The following NUP37 variants were observed in gnomAD, a reference collection of about 807,000 sequenced individuals.
NUP37 encodes nucleoporin Nup37.
Under a neutral mutation model 45.4 loss-of-function variants are expected in NUP37, and 33 were observed. That is an observed-to-expected ratio of 0.73 (90% CI 0.55 to 0.97). NUP37 has a LOEUF of 0.97. NUP37 is among the 50% of genes least tolerant of loss of function. NUP37 has a pLI of 0.00. For synonymous variants in NUP37, 127 were observed against 130.7 expected, an observed-to-expected ratio of 0.97 and a Z score of 0.19; for missense variants, 365 against 389.7, an observed-to-expected ratio of 0.94 and a Z score of 0.53.
chr12:102,114,740 C>T (rs1445250753), intron 2 of NUP37, among the ~76,000 whole-genome samples: 1 of 152,038 alleles, frequency 6.6e-6, no homozygotes, highest in Non-Finnish European at 1.5e-5. Context: ...ATGCTTGAAT[C>T]CCTAGGAGAG....
At chr12:102,112,847 ATGTG>A (rs1255194649) in intron 2 of NUP37, among the ~76,000 whole-genome samples, 2 of 152,222 alleles carry the variant, frequency 1.3e-5, no homozygotes, top group East Asian at 3.8e-4. Context: ...GTGGCATTAT[ATGTG>A]TGTAAGATGC....
At chr12:102,112,509 C>T (rs1176173122) in intron 2 of NUP37, among the ~76,000 whole-genome samples, 3 of 152,090 alleles carry the variant, frequency 2.0e-5, no homozygotes, top group Non-Finnish European at 4.4e-5. Flanking sequence ...TGAAAATGGA[C>T]TGCTTGGTCA....
chr12:102,078,734 ATAG>A (rs1220184933), intron 6 of NUP37, among the ~76,000 whole-genome samples: 3 of 152,246 alleles, frequency 2.0e-5, no homozygotes, highest in Non-Finnish European at 4.4e-5. Context: ...TGCTTGACAA[ATAG>A]TAGCCACCCA....
chr12:102,105,013 A>T (rs957420978), intron 3 of NUP37, among the ~76,000 whole-genome samples: 5 of 152,234 alleles, frequency 3.3e-5, no homozygotes, highest in African/African-American at 1.2e-4. Flanking sequence ...TTGAATTTGT[A>T]GAGCTTTGGG....
At chr12:102,082,590 A>T (rs1323810229) in intron 6 of NUP37, among the ~76,000 whole-genome samples, 1 of 152,230 alleles carries the variant, frequency 6.6e-6, no homozygotes, top group Non-Finnish European at 1.5e-5. Flanking sequence ...GAAATCAGAG[A>T]AAGTTTAAGT....
rs755996106 is a variant in NUP37, at chr12:102,075,004, AGG to A, written c.862_863del (p.Pro288SerfsTer37). On this transcript the variant is annotated frameshift_variant, in exon 9 of 10. Coordinates refer to ENST00000552283, the MANE Select transcript of NUP37 (RefSeq NM_024057.4). LOFTEE classifies it high-confidence loss of function. ...TTACAAAACATTTCCACATTACCTGAGGGTGTCCTAAATGATGAATTTGAAAC... is the reference window on the plus strand; with the variant it reads ...TTACAAAACATTTCCACATTACCTGAGTGTCCTAAATGATGAATTTGAAAC... ...SQFQIHHLGH[P>X]QPILMGSVAV... The A allele has an allele frequency of 5.0e-6, 8 of 1,595,542 alleles. No homozygotes were observed. In the South Asian group the frequency reaches 8.9e-5, roughly 18 times the overall value.
chr12:102,107,984 T>A (rs12313916), intron 3 of NUP37, among the ~76,000 whole-genome samples: 45,968 of 152,048 alleles, frequency 0.3, 7,331 homozygotes, highest in East Asian at 0.42. Context: ...CTCTGTGATT[T>A]CATGAATGTT....
intron 8 of NUP37, among the ~76,000 whole-genome samples, chr12:102,075,319 G>T (rs1325019405): frequency 6.6e-6 from 1 of 152,072 alleles, no homozygotes; most frequent in Non-Finnish European, 1.5e-5. Context: ...GGGACTACAG[G>T]TGTGTACTAC....
At chr12:102,111,036 T>C (rs535553969) in intron 3 of NUP37, among the ~76,000 whole-genome samples, 2 of 152,274 alleles carry the variant, frequency 1.3e-5, no homozygotes, top group South Asian at 4.1e-4. Context: ...CAAAAAATAA[T>C]AACTAAAGCC....
intron 3 of NUP37, 44 bp downstream of exon 3, chr12:102,112,064 C>G (rs1880332765): frequency 7.6e-6 from 12 of 1,577,082 alleles, no homozygotes; most frequent in Non-Finnish European, 1.0e-5. Context: ...GTAACACAAT[C>G]AAAGTACATT....
Position 102,079,896 on chromosome 12 carries a change from A to G in NUP37, c.541-2393T>C, listed in dbSNP as rs200368728. On this transcript the variant is annotated intron_variant, in intron 6 of 9. Coordinates refer to ENST00000552283, the MANE Select transcript of NUP37 (RefSeq NM_024057.4). ...TGAGCAAGTGCACATAAGCGGACTC[A>G]AACTTTTTGTTGTTCTGTGCTCCCT... Among the ~76,000 whole-genome samples, 30 of 152,328 alleles carry G rather than the reference A, an allele frequency of 2.0e-4. No homozygotes were observed. The East Asian group carries it at 5.2e-3, about 26-fold the overall frequency.
intron 6 of NUP37, among the ~76,000 whole-genome samples, chr12:102,083,998 T>C (rs1337762698): frequency 6.6e-6 from 1 of 152,164 alleles, no homozygotes; most frequent in Non-Finnish European, 1.5e-5. Flanking sequence ...GATTCAAACA[T>C]TTAGAAATAA....
chr12:102,092,985 T>C (rs911657971), intron 5 of NUP37, among the ~76,000 whole-genome samples: 5 of 152,140 alleles, frequency 3.3e-5, no homozygotes, highest in Admixed American at 1.3e-4. Context: ...CAGTAGTAGT[T>C]TTAATGTACT....
At chr12:102,113,306 A>T (rs1880368346) in intron 2 of NUP37, among the ~76,000 whole-genome samples, 1 of 152,222 alleles carries the variant, frequency 6.6e-6, no homozygotes, top group African/African-American at 2.4e-5. Flanking sequence ...AGGGGAAAGC[A>T]GGAAAAAACA....
intron 5 of NUP37, among the ~76,000 whole-genome samples, chr12:102,089,789 T>C (rs1594389307): frequency 6.6e-6 from 1 of 152,216 alleles, no homozygotes; most frequent in Non-Finnish European, 1.5e-5. Flanking sequence ...AATTTGTTTT[T>C]TCTTAATGCC....
intron 5 of NUP37, among the ~76,000 whole-genome samples, chr12:102,087,026 G>A (rs1479868982): frequency 1.3e-5 from 2 of 152,196 alleles, no homozygotes; most frequent in Non-Finnish European, 2.9e-5. Flanking sequence ...CTTGAGCACA[G>A]GAGGTGGAGG....
chr12:102,076,741 G>C (rs1037957503), intron 8 of NUP37, 56 bp downstream of exon 8: 15 of 1,431,956 alleles, frequency 1.0e-5, no homozygotes, highest in Non-Finnish European at 1.3e-5. Flanking sequence ...TATCCCAGTG[G>C]TGGCACAGCA....
intron 5 of NUP37, among the ~76,000 whole-genome samples, chr12:102,097,071 A>G (rs573921306): frequency 6.6e-6 from 1 of 152,194 alleles, no homozygotes; most frequent in East Asian, 1.9e-4. Context: ...CGTGTTTCTC[A>G]TTCTGGGATC....
chr12:102,115,316 C>T (rs945388571), intron 2 of NUP37, among the ~76,000 whole-genome samples: 5 of 152,136 alleles, frequency 3.3e-5, no homozygotes, highest in African/African-American at 7.2e-5. Flanking sequence ...TTATGAAGCA[C>T]GTGAAATGTG....
Sources: gnomAD v4.1 joint callset for allele counts (sites outside exome capture counted in the v4.1 genomes callset) on GRCh38, gnomAD v4.1.1 for gene constraint, MANE v1.5 for transcripts, NCBI Gene and HGNC (gene_info 2026-07-23, HGNC 2026-07-21) for gene names.